UBAP1: variants seen among roughly 807,000 people sequenced by gnomAD.
The protein encoded by UBAP1 is ubiquitin associated protein 1, also known as ubiquitin-associated protein 1.
Under a neutral mutation model 39.0 loss-of-function variants are expected in UBAP1, and 5 were observed. The ratio of observed to expected loss-of-function variants is 0.13; its 90% CI spans 0.07 to 0.27. The LOEUF (loss-of-function observed/expected upper bound fraction) is 0.27. Among genes scored for constraint, UBAP1 ranks in the 10% least tolerant of loss-of-function variants. The pLI, the probability that UBAP1 is intolerant of heterozygous loss-of-function variation, is 1.00. For synonymous variants in UBAP1, 211 were observed against 225.1 expected (o/e 0.94, Z 0.56); for missense variants, 490 against 608.1 (o/e 0.81, Z 2.04).
At chr9:34,181,643 A>G (rs1293018012) in intron 1 of UBAP1, among the ~76,000 whole-genome samples, 2 of 147,000 alleles carry the variant, frequency 1.4e-5, no homozygotes, top group Admixed American at 6.9e-5. Flanking sequence ...TGGGTTAGCC[A>G]GGATGGTCTC....
intron 4 of UBAP1, among the ~76,000 whole-genome samples, chr9:34,247,316 G>T: frequency 6.6e-6 from 1 of 152,024 alleles, no homozygotes; most frequent in African/African-American, 2.4e-5. Flanking sequence ...CATCTGTTAG[G>T]ATAGATGATA....
At chr9:34,211,807 T>A (rs1182409216) in intron 1 of UBAP1, among the ~76,000 whole-genome samples, 1 of 152,182 alleles carries the variant, frequency 6.6e-6, no homozygotes, top group Admixed American at 6.6e-5. Flanking sequence ...GTTACCTGTT[T>A]CCCCATCTCT....
At chr9:34,227,454 A>G (rs1356787418) in intron 2 of UBAP1, among the ~76,000 whole-genome samples, 1 of 152,216 alleles carries the variant, frequency 6.6e-6, no homozygotes, top group Non-Finnish European at 1.5e-5. Context: ...CCTCACAATA[A>G]TACCTGAATT....
At chr9:34,216,471 C>CT (rs1358101076) in intron 1 of UBAP1, among the ~76,000 whole-genome samples, 1 of 151,794 alleles carries the variant, frequency 6.6e-6, no homozygotes, top group East Asian at 1.9e-4. Context: ...TATTTGTGAA[C>CT]TTTTATGTCT....
At chr9:34,235,483 C>A (rs566208588) in intron 3 of UBAP1, among the ~76,000 whole-genome samples, 1 of 152,054 alleles carries the variant, frequency 6.6e-6, no homozygotes, top group African/African-American at 2.4e-5. Context: ...GGACTACAGG[C>A]GCCCGCCACC....
chr9:34,242,175 T>C (rs1000949901), intron 4 of UBAP1, 67 bp downstream of exon 4: 7 of 1,475,468 alleles, frequency 4.7e-6, no homozygotes, highest in Non-Finnish European at 6.4e-6. Flanking sequence ...TTTTTTCTTG[T>C]TGTTTGGTTG....
chr9:34,236,439 CTG>C (rs2131611901), intron 3 of UBAP1, among the ~76,000 whole-genome samples: 1 of 152,224 alleles, frequency 6.6e-6, no homozygotes, highest in South Asian at 2.1e-4. Flanking sequence ...GTCATTATGA[CTG>C]TATTATCTTA....
intron 1 of UBAP1, among the ~76,000 whole-genome samples, chr9:34,214,780 CAGTA>C (rs1426621937): frequency 2.6e-5 from 4 of 151,888 alleles, no homozygotes; most frequent in East Asian, 1.9e-4. Context: ...ACAACCAACT[CAGTA>C]AGAAAAAAAC....
At chr9:34,231,636 GTTTT>G (rs68035152) in intron 2 of UBAP1, among the ~76,000 whole-genome samples, 30,343 of 143,762 alleles carry the variant, frequency 0.21, 3,638 homozygotes, top group Non-Finnish European at 0.28. Flanking sequence ...AAATTTTTTT[GTTTT>G]TTTTTTTTGT....
chr9:34,235,901 C>T (rs1488032719), intron 3 of UBAP1, among the ~76,000 whole-genome samples: 5 of 150,712 alleles, frequency 3.3e-5, no homozygotes, highest in African/African-American at 7.3e-5. Flanking sequence ...GGCGCGATCT[C>T]GTCAAGAAGA....
chr9:34,214,906 C>T (rs1415370606), intron 1 of UBAP1, among the ~76,000 whole-genome samples: 2 of 152,120 alleles, frequency 1.3e-5, no homozygotes, highest in Non-Finnish European at 2.9e-5. Context: ...CAGGGAAGTG[C>T]ACATCAAAAC....
chr9:34,241,867 C>T lies in UBAP1; in HGVS notation c.842C>T (p.Ala281Val). The T allele has an allele frequency of 6.2e-7, 1 of 1,614,136 alleles. No individual in the cohort carries two copies. The highest frequency in any genetic ancestry group is 2.2e-5 in the East Asian group (1 of 44,882). Residue 281 changes from alanine (A) to valine (V), a missense_variant, in exon 4 of 7, where the codon GCC (alanine) becomes GTC (valine). By Grantham distance (64) the Ala-to-Val change is moderately conservative (BLOSUM62 0). This residue lies in a region of UBAP1 where 339 missense variants were observed against 390.0 expected (regional missense o/e 0.87). Coordinates refer to ENST00000297661, the MANE Select transcript of UBAP1 (RefSeq NM_016525.5). ...LDSDDSNQKT[A>V]KLASTFHSTS... ...TCTGATGACAGCAATCAGAAGACAG[C>T]CAAGCTGGCGAGCACTTTCCATAGC...
intron 1 of UBAP1, among the ~76,000 whole-genome samples, chr9:34,199,957 C>T (rs1174124885): frequency 6.6e-6 from 1 of 151,646 alleles, no homozygotes; most frequent in Admixed American, 6.6e-5. Context: ...AGGTTTTCTA[C>T]AATTTTTTTT....
chr9:34,189,479 G>A (rs773536350), intron 1 of UBAP1, among the ~76,000 whole-genome samples: 1 of 151,850 alleles, frequency 6.6e-6, no homozygotes, highest in Non-Finnish European at 1.5e-5. Context: ...ATGAGCCACC[G>A]CACCCGGCCG....
intron 2 of UBAP1, chr9:34,224,584 C>T (rs971280766): frequency 2.3e-6 from 1 of 434,422 alleles, no homozygotes; most frequent in Non-Finnish European, 3.9e-6. Flanking sequence ...TTCTCTTGCC[C>T]CCGGTCTTGC....
In UBAP1 at chr9:34,220,958, C is replaced by T. The variant is rs574944301; in HGVS notation, c.34+10C>T. The T allele has an allele frequency of 2.2e-5, 36 of 1,610,528 alleles. No individual in the cohort carries two copies. In the East Asian group the frequency reaches 8.0e-4, roughly 36 times the overall value. On this transcript the variant is annotated intron_variant, in intron 2 of 6. Coordinates refer to ENST00000297661, the MANE Select transcript of UBAP1 (RefSeq NM_016525.5). ...GGTGCAGATTTTCATGGTAAGTGGA[C>T]TATTAGAATCATGGTTTAAGTTATG...
chr9:34,222,327 A>G (rs1336072840), intron 2 of UBAP1, among the ~76,000 whole-genome samples: 1 of 152,160 alleles, frequency 6.6e-6, no homozygotes, highest in African/African-American at 2.4e-5. Context: ...GTCAGTGTGC[A>G]TATACTTACA....
chr9:34,208,962 TCTCA>T (rs910814203), intron 1 of UBAP1, among the ~76,000 whole-genome samples: 11 of 151,412 alleles, frequency 7.3e-5, no homozygotes, highest in Non-Finnish European at 1.5e-4. Flanking sequence ...TGAGGTGGAG[TCTCA>T]CTCTGTTGCT....
intron 1 of UBAP1, among the ~76,000 whole-genome samples, chr9:34,182,691 C>CTCTCTTTCT (rs1830153364): frequency 1.0e-5 from 1 of 95,436 alleles, no homozygotes; most frequent in Non-Finnish European, 2.2e-5. Flanking sequence ...TTCTCTCTCT[C>CTCTCTTTCT]TTTCTTTTCT....
Sources: gnomAD v4.1 joint callset for allele counts (sites outside exome capture counted in the v4.1 genomes callset) on GRCh38, gnomAD v4.1.1 for gene constraint, gnomAD v4.1.1 regional missense constraint, MANE v1.5 for transcripts, NCBI Gene and HGNC (gene_info 2026-07-23, HGNC 2026-07-21) for gene names.